RXRA: variants seen among roughly 807,000 people sequenced by gnomAD.
RXRA encodes retinoid X receptor alpha.
Under a neutral mutation model 44.5 loss-of-function variants are expected in RXRA, and 5 were observed. The observed-to-expected ratio is 0.11, with a 90% CI of 0.06 to 0.24. The LOEUF (loss-of-function observed/expected upper bound fraction) is 0.24, where lower values mean the gene tolerates loss of function less well. RXRA is among the 10% of genes least tolerant of loss of function. The probability of loss-of-function intolerance (pLI) is 1.00; values close to 1 mark genes in which losing one functional copy is unlikely to be tolerated. For synonymous variants in RXRA, 291 were observed against 271.4 expected, an observed-to-expected ratio of 1.07 and a Z score of -0.71; for missense variants, 412 against 646.5, an observed-to-expected ratio of 0.64 and a Z score of 3.93.
Position 134,434,123 on chromosome 9 carries a change from C to A in RXRA, c.1157C>A (p.Pro386Gln). 6.2e-7 allele frequency: 1 copy of A among 1,613,706 alleles called. No homozygotes were observed. Among genetic ancestry groups the A allele is most frequent in the South Asian group, 1.1e-5 (1 of 91,078 alleles). Residue 386 changes from proline to glutamine, a missense_variant, in exon 9 of 10, where the codon CCG (proline) becomes CAG (glutamine). By Grantham distance (76) the Pro-to-Gln change is moderately conservative. Around this residue, in one of 4 missense-constraint regions of RXRA, gnomAD observed 141 missense variants for 270.8 expected, o/e 0.52. Coordinates refer to ENST00000481739, the MANE Select transcript of RXRA (RefSeq NM_002957.6). ...TCAGACTCCAAGGGGCTCTCGAACCCGGCCGAGGTGGAGGCGCTGAGGGAG... is the reference window on the plus strand; with the variant it reads ...TCAGACTCCAAGGGGCTCTCGAACCAGGCCGAGGTGGAGGCGCTGAGGGAG... The part of the protein sequence containing the change: ...FNPDSKGLSN[P>Q]AEVEALREKV...
chr9:134,361,198 T>A (rs1271140903), intron 1 of RXRA, among the ~76,000 whole-genome samples: 1 of 152,330 alleles, frequency 6.6e-6, no homozygotes, highest in East Asian at 1.9e-4. Context: ...TTCTGGAACC[T>A]TTTCCGGTTG....
At chr9:134,399,780 G>A (rs571046144) in intron 1 of RXRA, among the ~76,000 whole-genome samples, 1 of 152,356 alleles carries the variant, frequency 6.6e-6, no homozygotes, top group East Asian at 1.9e-4. Context: ...GGTGGGGTCT[G>A]TACCCCGACT....
intron 1 of RXRA, among the ~76,000 whole-genome samples, chr9:134,384,662 G>A (rs1000727420): frequency 6.6e-6 from 1 of 152,164 alleles, no homozygotes; most frequent in Non-Finnish European, 1.5e-5. Context: ...AAGAGGCTGC[G>A]GTGGGGCTGT....
chr9:134,336,877 G>A (rs1351449529), intron 1 of RXRA, among the ~76,000 whole-genome samples: 2 of 152,214 alleles, frequency 1.3e-5, no homozygotes, highest in African/African-American at 4.8e-5. Context: ...CTGGAGGCCG[G>A]TCCAGTTTCC....
chr9:134,418,050 G>A (rs1251553985), intron 5 of RXRA, among the ~76,000 whole-genome samples: 2 of 152,164 alleles, frequency 1.3e-5, no homozygotes, highest in Non-Finnish European at 2.9e-5. Context: ...CGCTCCCTGT[G>A]GCATCTTTGC....
Position 134,343,915 on chromosome 9 carries a change from G to A in RXRA, c.28+17256G>A, listed in dbSNP as rs1228027987. 5.9e-5 allele frequency among the ~76,000 whole-genome samples: 9 copies of A among 152,136 alleles called. No homozygotes were observed. The highest frequency in any genetic ancestry group is 4.6e-4 in the Admixed American group (7 of 15,282). On this transcript the variant is annotated intron_variant, in intron 1 of 9. Transcript: ENST00000481739. This position sits in a 1 kb window ranked among gnomAD's most constrained non-coding sequence, Gnocchi z 4.1. ...ACCTTCTGGCCGGTCATTGGCCCTC[G>A]TGGCCCTACCACAGTGGGGTGGGCA...
chr9:134,400,659 T>C (rs6537998), intron 1 of RXRA, among the ~76,000 whole-genome samples: 20,373 of 152,228 alleles, frequency 0.13, 4,481 homozygotes, highest in African/African-American at 0.46. Flanking sequence ...GCCTCCCTTC[T>C]GCAGTGCCAG....
chr9:134,379,674 C>T, intron 1 of RXRA: 5 of 985,364 alleles, frequency 5.1e-6, no homozygotes, highest in Non-Finnish European at 6.0e-6. Context: ...TGGGAGGTAG[C>T]AGGACAGCCC....
At chr9:134,331,096 A>G (rs1834997513) in intron 1 of RXRA, among the ~76,000 whole-genome samples, 1 of 152,154 alleles carries the variant, frequency 6.6e-6, no homozygotes, top group Admixed American at 6.5e-5. Flanking sequence ...TTCTGTGGAT[A>G]TAGGCCTGCC....
Position 134,417,477 on chromosome 9 carries a change from G to A in RXRA, c.780+150G>A. On this transcript the variant is annotated intron_variant, in intron 5 of 9. Coordinates refer to ENST00000481739, the MANE Select transcript of RXRA (RefSeq NM_002957.6). This position sits in a 1 kb window ranked among gnomAD's most constrained non-coding sequence, Gnocchi z 6.1. The stretch of plus-strand genomic sequence containing the variant: ...TGCCTCAGCTCGGCCTCTTACCTGA[G>A]GTGACCCCGTGGGCCCCTCGCCCCA... 2 of 909,314 alleles carry A rather than the reference G, an allele frequency of 2.2e-6. No homozygotes were observed. The highest frequency in any genetic ancestry group is 1.6e-6 in the Non-Finnish European group (1 of 609,370). 56.3% of individuals were successfully genotyped at this position (909,314 alleles called of 1,614,324 possible). A position where few individuals can be genotyped will look rare whatever the true frequency, so the allele number is the denominator to read the frequency against.
In RXRA at chr9:134,366,484, C is replaced by T. The variant is rs1465949865; in HGVS notation, c.29-35148C>T. On this transcript the variant is annotated intron_variant, in intron 1 of 9. Transcript: ENST00000481739. This position sits in a 1 kb window ranked among gnomAD's most constrained non-coding sequence, Gnocchi z 5.9. The stretch of plus-strand genomic sequence containing the variant: ...TGTCGGTGGCAGAGTGGCCTGGCCA[C>T]GGCGAGCTCCTGGCGGGAGTCCCCC... Among the ~76,000 whole-genome samples, 2 of 152,188 alleles carry T rather than the reference C, an allele frequency of 1.3e-5. No homozygotes were observed. The highest frequency in any genetic ancestry group is 2.4e-5 in the African/African-American group (1 of 41,438).
chr9:134,408,928 C>A lies in RXRA; in HGVS notation c.431-12C>A, dbSNP rs759389747. The A allele has an allele frequency of 6.6e-7, 1 of 1,525,552 alleles. No homozygotes were observed. The highest frequency in any genetic ancestry group is 2.0e-5 in the Admixed American group (1 of 49,918). The allele number at this position is 1,525,552 out of a possible 1,614,324, so 94.5% of individuals were successfully genotyped here. On this transcript the variant is annotated splice_polypyrimidine_tract_variant and intron_variant, in intron 3 of 9. Transcript: ENST00000481739. ...TGGGTGCTCCCCAGCCCTGCTCTGC[C>A]CTGTCCCGCAGGCAAGCACTATGGA...
chr9:134,358,864 G>A (rs1275582975), intron 1 of RXRA, among the ~76,000 whole-genome samples: 4 of 152,192 alleles, frequency 2.6e-5, no homozygotes, highest in Non-Finnish European at 4.4e-5. Context: ...TGTGGGCAGA[G>A]GGCCAGGAGT....
At chr9:134,356,639 G>A (rs1457172332) in intron 1 of RXRA, among the ~76,000 whole-genome samples, 1 of 152,234 alleles carries the variant, frequency 6.6e-6, no homozygotes, top group Non-Finnish European at 1.5e-5. Context: ...AGCACCTACT[G>A]TATGCTAGCA....
At chr9:134,383,179 C>G (rs1400406255) in intron 1 of RXRA, among the ~76,000 whole-genome samples, 1 of 152,224 alleles carries the variant, frequency 6.6e-6, no homozygotes, top group African/African-American at 2.4e-5. Context: ...GGCCGAGAGC[C>G]CAGGCCGCTT....
At chr9:134,375,940 C>A (rs1030347112) in intron 1 of RXRA, among the ~76,000 whole-genome samples, 1 of 141,054 alleles carries the variant, frequency 7.1e-6, no homozygotes, top group African/African-American at 2.7e-5. Context: ...GCCGCCCTCC[C>A]TCCCTCCCTC....
At position 134,365,963 on chromosome 9, in the gene RXRA, G is replaced by A. The variant is rs566449522; in HGVS notation, c.29-35669G>A. On this transcript the variant is annotated intron_variant, in intron 1 of 9. Coordinates refer to ENST00000481739, the MANE Select transcript of RXRA (RefSeq NM_002957.6). This position sits in a 1 kb window ranked among gnomAD's most constrained non-coding sequence, Gnocchi z 4.0. ...CTGCCTCCAGTCAGGCGTCCGCTGAGCGACCCCTAGGAGCCGCCTGTCTTT... is the reference window on the plus strand; with the variant it reads ...CTGCCTCCAGTCAGGCGTCCGCTGAACGACCCCTAGGAGCCGCCTGTCTTT... Among the ~76,000 whole-genome samples the A allele has an allele frequency of 1.3e-5, 2 of 152,242 alleles. No individual in the cohort carries two copies. Among genetic ancestry groups the A allele is most frequent in the South Asian group, 4.1e-4 (2 of 4,828 alleles).
chr9:134,421,912 C>G, intron 6 of RXRA, 107 bp downstream of exon 6: 3 of 1,535,830 alleles, frequency 2.0e-6, no homozygotes, highest in Non-Finnish European at 2.6e-6. Context: ...ACTCCCCTGT[C>G]CTGGGACACT....
rs919182669 is a variant in RXRA, at chr9:134,347,415, C to T, written c.28+20756C>T. Among the ~76,000 whole-genome samples, 7 of 152,368 alleles carry T rather than the reference C, an allele frequency of 4.6e-5. No individual in the cohort carries two copies. The East Asian group carries it at 5.8e-4, about 13-fold the overall frequency. On this transcript the variant is annotated intron_variant, in intron 1 of 9. Transcript: ENST00000481739. Reference sequence around the variant, plus strand: ...CGCCCTGAGTGCAGCGCAGCTCCTCCATCTGCCTGGGAGGCAGACACCGTG... The same window carrying T: ...CGCCCTGAGTGCAGCGCAGCTCCTCTATCTGCCTGGGAGGCAGACACCGTG...
Sources: gnomAD v4.1 joint callset for allele counts (sites outside exome capture counted in the v4.1 genomes callset) on GRCh38, gnomAD v4.1.1 for gene constraint, gnomAD v4.1.1 regional missense constraint, Gnocchi (gnomAD v3.1) non-coding constraint, MANE v1.5 for transcripts, NCBI Gene and HGNC (gene_info 2026-07-23, HGNC 2026-07-21) for gene names.